CAT: variants seen among roughly 807,000 people sequenced by gnomAD.
CAT encodes epididymis secretory sperm binding protein.
CAT carries 43 observed loss-of-function variants against 59.0 expected under a neutral mutation model. The ratio of observed to expected loss-of-function variants is 0.73; its 90% CI spans 0.57 to 0.94. The LOEUF is 0.94. Ranked by LOEUF, CAT falls within the 40% of genes least tolerant of loss-of-function variation. CAT has a pLI of 0.00. For synonymous variants in CAT, 218 were observed against 230.9 expected (o/e 0.94, Z 0.51); for missense variants, 664 against 682.9 (o/e 0.97, Z 0.31).
intron 8 of CAT, among the ~76,000 whole-genome samples, chr11:34,459,260 G>C (rs558549022): frequency 6.6e-6 from 1 of 152,158 alleles, no homozygotes; most frequent in African/African-American, 2.4e-5. Flanking sequence ...TGTCTTGTTG[G>C]ACAGGAAGTG....
intron 1 of CAT, among the ~76,000 whole-genome samples, chr11:34,444,128 G>T (rs1243431168): frequency 6.6e-6 from 1 of 152,108 alleles, no homozygotes; most frequent in Non-Finnish European, 1.5e-5. Flanking sequence ...TAGGGACTTA[G>T]GACCAGAAAC....
chr11:34,445,200 T>C (rs887346090), intron 1 of CAT, among the ~76,000 whole-genome samples: 14 of 151,680 alleles, frequency 9.2e-5, no homozygotes, highest in Non-Finnish European at 2.9e-5. Flanking sequence ...AGAGGAAAAA[T>C]AGTGACAGGC....
At chr11:34,458,578 G>A (rs1856615662) in intron 8 of CAT, among the ~76,000 whole-genome samples, 2 of 152,232 alleles carry the variant, frequency 1.3e-5, no homozygotes, top group Non-Finnish European at 1.5e-5. Context: ...AACTGTGAGA[G>A]GATGAGGCTA....
At chr11:34,456,885 G>C in intron 8 of CAT, 68 bp downstream of exon 8, 2 of 1,495,376 alleles carry the variant, frequency 1.3e-6, no homozygotes, top group South Asian at 1.1e-5. Flanking sequence ...AAAATATGCA[G>C]CTTGGCATGA....
chr11:34,449,169 AC>A, intron 1 of CAT, 22 bp from the exon 2 acceptor site: 1 of 1,610,728 alleles, frequency 6.2e-7, no homozygotes, highest in Non-Finnish European at 8.5e-7. Context: ...ACTCTCCTGC[AC>A]TTTCTTTCTG....
intron 6 of CAT, among the ~76,000 whole-genome samples, chr11:34,455,298 C>T (rs569681521): frequency 1.2e-4 from 18 of 152,146 alleles, no homozygotes; most frequent in African/African-American, 3.9e-4. Flanking sequence ...AATCTTTCTG[C>T]GGCACTTGGC....
At chr11:34,453,015 G>A in intron 4 of CAT, 75 bp from the exon 5 acceptor site, 1 of 831,858 alleles carries the variant, frequency 1.2e-6, no homozygotes, top group Non-Finnish European at 2.1e-6. Flanking sequence ...CCTAGTAATA[G>A]GCATATATAA....
At position 34,439,069 on chromosome 11, in the gene CAT, G is replaced by A; in HGVS notation, c.56G>A (p.Arg19Gln). Residue 19 changes from arginine (R) to glutamine (Q), a missense_variant, in exon 1 of 13, where the codon CGG becomes CAG. Physicochemically the swap from Arg to Gln is conservative, Grantham distance 43. Transcript: ENST00000241052. Reference sequence around the variant, plus strand: ...CAGATGCAGCACTGGAAGGAGCAGCGGGCCGCGCAGGTACACTCTGTGCTC... The same window carrying A: ...CAGATGCAGCACTGGAAGGAGCAGCAGGCCGCGCAGGTACACTCTGTGCTC... ...SDQMQHWKEQ[R>Q]AAQKADVLTT... is the part of the protein sequence containing the mutation. The A allele has an allele frequency of 1.9e-6, 3 of 1,590,764 alleles. No individual in the cohort carries two copies. Among genetic ancestry groups the A allele is most frequent in the Non-Finnish European group, 2.6e-6 (3 of 1,168,706 alleles).
chr11:34,441,940 T>C (rs777064309), intron 1 of CAT, among the ~76,000 whole-genome samples: 1 of 152,250 alleles, frequency 6.6e-6, no homozygotes, highest in Non-Finnish European at 1.5e-5. Context: ...CTGCTGAGCC[T>C]TTTTCCAAAG....
intron 1 of CAT, among the ~76,000 whole-genome samples, chr11:34,440,294 C>G (rs528298221): frequency 6.6e-6 from 1 of 152,164 alleles, no homozygotes; most frequent in Non-Finnish European, 1.5e-5. Flanking sequence ...CCTCTTGGCC[C>G]TGTTCTTTGT....
intron 1 of CAT, among the ~76,000 whole-genome samples, chr11:34,440,418 T>C (rs1313039845): frequency 6.6e-6 from 1 of 152,184 alleles, no homozygotes; most frequent in African/African-American, 2.4e-5. Flanking sequence ...TTCAGCTTCT[T>C]GGACCCAAGA....
chr11:34,458,345 A>G (rs1856614022), intron 8 of CAT, among the ~76,000 whole-genome samples: 1 of 152,154 alleles, frequency 6.6e-6, no homozygotes, highest in South Asian at 2.1e-4. Context: ...CTTGAGTAGG[A>G]GTGAAAAGCT....
chr11:34,453,718 C>T, intron 5 of CAT, 83 bp from the exon 6 acceptor site: 2 of 1,348,558 alleles, frequency 1.5e-6, no homozygotes, highest in Non-Finnish European at 2.1e-6. Context: ...AAGGGACTTT[C>T]TGGAAACTAA....
chr11:34,462,081 T>A (rs1342960269), intron 9 of CAT, among the ~76,000 whole-genome samples: 6 of 152,328 alleles, frequency 3.9e-5, no homozygotes, highest in Middle Eastern at 3.4e-3. Context: ...CAGCCTCTGG[T>A]TCTAATTACT....
intron 3 of CAT, among the ~76,000 whole-genome samples, chr11:34,451,732 A>G (rs1856525688): frequency 6.6e-6 from 1 of 152,194 alleles, no homozygotes; most frequent in African/African-American, 2.4e-5. Context: ...TTGACAACTC[A>G]CTTATTCTGT....
At chr11:34,453,993 G>C (rs1856561222) in intron 6 of CAT, 67 bp downstream of exon 6, 4 of 1,547,452 alleles carry the variant, frequency 2.6e-6, no homozygotes, top group African/African-American at 1.4e-5. Flanking sequence ...TTTCCTGAAG[G>C]ATTGAGCAAA....
intron 11 of CAT, 69 bp downstream of exon 11, chr11:34,468,464 C>A: frequency 8.9e-7 from 1 of 1,118,032 alleles, no homozygotes; most frequent in Non-Finnish European, 1.4e-6. Flanking sequence ...GTGGGAGAAC[C>A]CTAAAAAGAA....
Position 34,471,751 on chromosome 11 carries a change from T to C in CAT, c.*318T>C, listed in dbSNP as rs769461808. The C allele has an allele frequency of 1.8e-5, 7 of 379,034 alleles. No individual in the cohort carries two copies. Among genetic ancestry groups the C allele is most frequent in the Non-Finnish European group, 3.0e-5 (6 of 200,380 alleles). 23.5% of individuals were successfully genotyped at this position (379,034 alleles called of 1,614,324 possible). ...TGACAAAATTTGTTGAAATTATGTA[T>C]GTTTACATATCACCTCATGGCCTAT... On this transcript the variant is annotated 3_prime_UTR_variant, in exon 13 of 13. Coordinates refer to ENST00000241052, the MANE Select transcript of CAT (RefSeq NM_001752.4).
chr11:34,443,712 T>TTAG (rs1415295764), intron 1 of CAT, among the ~76,000 whole-genome samples: 1 of 152,212 alleles, frequency 6.6e-6, no homozygotes, highest in East Asian at 1.9e-4. Context: ...AGTTCTCTTA[T>TTAG]TACCTGGGAG....
Sources: allele counts gnomAD v4.1 joint callset (sites outside exome capture counted in the v4.1 genomes callset), GRCh38; gene constraint gnomAD v4.1.1; transcripts MANE v1.5; gene names NCBI Gene and HGNC (gene_info 2026-07-23, HGNC 2026-07-21).